Variants in KALRN observed in about 807,000 individuals in gnomAD.
KALRN encodes kalirin.
A neutral mutation model predicts 353.7 loss-of-function variants in KALRN; 70 were observed. The observed-to-expected ratio is 0.20, with a 90% CI of 0.16 to 0.24. The LOEUF (loss-of-function observed/expected upper bound fraction) is 0.24, where lower values mean the gene tolerates loss of function less well. Ranked by LOEUF, KALRN falls within the 10% of genes least tolerant of loss-of-function variation. The probability of loss-of-function intolerance (pLI) is 1.00; values close to 1 mark genes in which losing one functional copy is unlikely to be tolerated. For missense variants in KALRN, 2,791 were observed against 3,756.7 expected, an observed-to-expected ratio of 0.74 and a Z score of 6.72; for synonymous variants, 1,391 against 1,434.8, an observed-to-expected ratio of 0.97 and a Z score of 0.69.
At chr3:124,216,576 G>A (rs1427015139) in intron 1 of KALRN, among the ~76,000 whole-genome samples, 1 of 152,162 alleles carries the variant, frequency 6.6e-6, no homozygotes, top group Non-Finnish European at 1.5e-5. Context: ...AGTTTGTCAG[G>A]TGAAAAGTAT....
intron 57 of KALRN, among the ~76,000 whole-genome samples, chr3:124,707,888 T>G (rs2062712620): frequency 6.6e-6 from 1 of 152,324 alleles, no homozygotes; most frequent in South Asian, 2.1e-4. Context: ...ACTCAAATCC[T>G]GGGCCACCTT....
At chr3:124,373,688 T>A (rs920357835) in intron 10 of KALRN, among the ~76,000 whole-genome samples, 2 of 152,170 alleles carry the variant, frequency 1.3e-5, no homozygotes, top group African/African-American at 4.8e-5. Context: ...TGTATGTCTG[T>A]ATCTTCATTT....
chr3:124,578,416 G>A (rs942080287), intron 34 of KALRN, among the ~76,000 whole-genome samples: 4 of 152,216 alleles, frequency 2.6e-5, no homozygotes, highest in Admixed American at 6.5e-5. Context: ...TAGCAACCAG[G>A]GAGCATGGCA....
chr3:124,426,307 T>C (rs1184852701), intron 15 of KALRN, among the ~76,000 whole-genome samples: 1 of 152,148 alleles, frequency 6.6e-6, no homozygotes, highest in Non-Finnish European at 1.5e-5. Context: ...ATGCTAAATT[T>C]AGACAGTAGC....
chr3:124,174,428 T>G (rs865820017), intron 1 of KALRN, among the ~76,000 whole-genome samples: 39 of 152,240 alleles, frequency 2.6e-4, no homozygotes, highest in Middle Eastern at 3.4e-3. Flanking sequence ...AGCAAGACTC[T>G]GTCTTAAAAA....
chr3:124,136,050 C>T (rs925021373), intron 1 of KALRN, among the ~76,000 whole-genome samples: 33 of 152,254 alleles, frequency 2.2e-4, no homozygotes, highest in African/African-American at 7.9e-4. Flanking sequence ...AGTCTTTGCA[C>T]TCAGTATATT....
At chr3:124,049,224 C>G (rs565600244) in intron 1 of KALRN, among the ~76,000 whole-genome samples, 8 of 152,174 alleles carry the variant, frequency 5.3e-5, no homozygotes, top group Non-Finnish European at 1.2e-4. Context: ...AATTCCAATA[C>G]CACAGTTAGC....
intron 27 of KALRN, among the ~76,000 whole-genome samples, chr3:124,478,809 C>T (rs1250871903): frequency 6.6e-6 from 1 of 152,158 alleles, no homozygotes; most frequent in Non-Finnish European, 1.5e-5. Context: ...ACATACATGT[C>T]CTGTGCTCTG....
chr3:124,521,587 A>T (rs1048820053), intron 33 of KALRN, among the ~76,000 whole-genome samples: 2 of 152,240 alleles, frequency 1.3e-5, no homozygotes, highest in African/African-American at 4.8e-5. Flanking sequence ...AGCCAGCCAT[A>T]TAATCATGTT....
chr3:124,125,124 C>T (rs1053971336), intron 1 of KALRN, among the ~76,000 whole-genome samples: 2 of 152,166 alleles, frequency 1.3e-5, no homozygotes, highest in Non-Finnish European at 2.9e-5. Flanking sequence ...GTACCAGCAA[C>T]AGAAATAGGA....
intron 37 of KALRN, among the ~76,000 whole-genome samples, chr3:124,647,433 C>A (rs1397255898): frequency 6.6e-6 from 1 of 152,204 alleles, no homozygotes; most frequent in East Asian, 1.9e-4. Context: ...TTTGTTCTTT[C>A]ACCCTATACT....
chr3:124,616,552 C>T (rs1561432495), intron 34 of KALRN, among the ~76,000 whole-genome samples: 1 of 152,172 alleles, frequency 6.6e-6, no homozygotes, highest in African/African-American at 2.4e-5. Context: ...GGTAAATGCT[C>T]TATGTTCCCT....
At chr3:124,494,803 G>A (rs192483730) in intron 32 of KALRN, among the ~76,000 whole-genome samples, 25 of 152,310 alleles carry the variant, frequency 1.6e-4, no homozygotes, top group African/African-American at 5.1e-4. Flanking sequence ...AGGTGAATTC[G>A]TTATTTGTGG....
At chr3:124,464,323 A>G (rs1352453542) in intron 25 of KALRN, among the ~76,000 whole-genome samples, 2 of 152,326 alleles carry the variant, frequency 1.3e-5, no homozygotes, top group Non-Finnish European at 2.9e-5. Context: ...ATCAGTTTAT[A>G]AGGGGAATGA....
At chr3:124,050,779 C>T (rs997490722) in intron 1 of KALRN, among the ~76,000 whole-genome samples, 2 of 152,028 alleles carry the variant, frequency 1.3e-5, no homozygotes, top group African/African-American at 4.8e-5. Context: ...TCAAGTCCAC[C>T]CAGGCTGTAT....
intron 34 of KALRN, among the ~76,000 whole-genome samples, chr3:124,577,689 C>T (rs1157530145): frequency 6.6e-6 from 1 of 152,060 alleles, no homozygotes; most frequent in African/African-American, 2.4e-5. Context: ...GAGTTCAAGA[C>T]CAGCCTGGGC....
At chr3:124,343,057 G>A (rs1179683549) in intron 9 of KALRN, among the ~76,000 whole-genome samples, 1 of 152,140 alleles carries the variant, frequency 6.6e-6, no homozygotes, top group Non-Finnish European at 1.5e-5. Flanking sequence ...ACTGCCATTG[G>A]CCTCGCCTGG....
chr3:124,674,352 A>T lies in KALRN; in HGVS notation c.6943-12A>T, dbSNP rs568321209. On this transcript the variant is annotated splice_polypyrimidine_tract_variant and intron_variant, in intron 48 of 59. Transcript: ENST00000682506. Reference sequence around the variant, plus strand: ...TTGTGTTTGTGCCCCTCTCACCCTTATCTCCCAGCAGAACGACCTGGGAGG... The same window carrying T: ...TTGTGTTTGTGCCCCTCTCACCCTTTTCTCCCAGCAGAACGACCTGGGAGG... 239 of 1,608,894 alleles carry T rather than the reference A, an allele frequency of 1.5e-4. 3 individuals carry two copies. In the South Asian group the frequency reaches 2.5e-3, roughly 16 times the overall value.
intron 56 of KALRN, among the ~76,000 whole-genome samples, chr3:124,701,384 CTTTCTT>C (rs2062326017): frequency 1.6e-5 from 2 of 122,560 alleles, no homozygotes; most frequent in Admixed American, 8.3e-5. Flanking sequence ...TTCTTTCTTT[CTTTCTT>C]TTTTTTTTTT....
Sources: gnomAD v4.1 joint callset for allele counts (sites outside exome capture counted in the v4.1 genomes callset) on GRCh38, gnomAD v4.1.1 for gene constraint, MANE v1.5 for transcripts, NCBI Gene and HGNC (gene_info 2026-07-23, HGNC 2026-07-21) for gene names.